Variants in ZNF480 observed in about 807,000 individuals in gnomAD.
The protein encoded by ZNF480 is zinc finger protein 480.
Under a neutral mutation model 14.4 loss-of-function variants are expected in ZNF480, and 15 were observed. That is an observed-to-expected ratio of 1.04 (90% confidence interval 0.70 to 1.60). The LOEUF (loss-of-function observed/expected upper bound fraction) is 1.60, where lower values mean the gene tolerates loss of function less well. ZNF480 is among the 40% of genes most tolerant of loss of function. ZNF480 has a pLI of 0.00. For missense variants in ZNF480, 593 were observed against 629.7 expected (o/e 0.94, Z 0.62); for synonymous variants, 218 against 215.5 (o/e 1.01, Z -0.10).
In ZNF480 at chr19:52,300,649, TAACC is replaced by T. The variant is rs1982646875; in HGVS notation, c.72+166_72+169del. ...GAGACCAGCTTGGTCGTGGGGACCC[TAACC>T]TAGTGGCACTAGAGGAATTAAAGAC... On this transcript the variant is annotated intron_variant, in intron 2 of 4. Transcript: ENST00000595962. 23 of 1,194,442 alleles carry T rather than the reference TAACC, an allele frequency of 1.9e-5. No homozygotes were observed. The East Asian group carries it at 5.4e-4, about 28-fold the overall frequency. The allele number at this position is 1,194,442 out of a possible 1,614,324, so 74.0% of individuals were successfully genotyped here. A position where few individuals can be genotyped will look rare whatever the true frequency, so the allele number is the denominator to read the frequency against.
At chr19:52,298,988 T>G (rs943761389) in intron 1 of ZNF480, among the ~76,000 whole-genome samples, 2 of 152,146 alleles carry the variant, frequency 1.3e-5, no homozygotes, top group African/African-American at 4.8e-5. Context: ...CTATTTATAA[T>G]TTGATAATAT....
At chr19:52,319,148 G>A (rs1195002769) in intron 4 of ZNF480, among the ~76,000 whole-genome samples, 1 of 152,054 alleles carries the variant, frequency 6.6e-6, no homozygotes, top group Non-Finnish European at 1.5e-5. Flanking sequence ...ACAGGTGTGA[G>A]CCACCACACC....
rs1269983892 is a variant in ZNF480 at position 52,322,186 on chromosome 19, G to C, written c.936G>C (p.Glu312Asp). The change falls in exon 5 of 5, where the codon GAG (glutamate) becomes GAC (aspartate). Residue 312 changes from glutamate to aspartate, a missense_variant. By Grantham distance (45) the Glu-to-Asp change is conservative. Coordinates refer to ENST00000595962, the MANE Select transcript of ZNF480 (RefSeq NM_144684.4). ...GACATCAAAGAATTCATGCTGAAGAGAAACCTTACAAATGTAATGAATGTG... is the reference window on the plus strand; with the variant it reads ...GACATCAAAGAATTCATGCTGAAGACAAACCTTACAAATGTAATGAATGTG... ...LARHQRIHAE[E>D]KPYKCNECGK... is the part of the protein sequence containing the mutation. The C allele has an allele frequency of 1.2e-6, 2 of 1,613,958 alleles. No homozygotes were observed. Among genetic ancestry groups the C allele is most frequent in the Admixed American group, 3.3e-5 (2 of 59,992 alleles).
At chr19:52,300,742 C>T (rs539929769) in intron 2 of ZNF480, 11 of 557,552 alleles carry the variant, frequency 2.0e-5, no homozygotes, top group Admixed American at 1.2e-4. Flanking sequence ...CTGAGAGCTG[C>T]GAACAGGGTT....
rs573320005 is a variant in ZNF480 at position 52,310,355 on chromosome 19, C to G, written c.73-3798C>G. Among the ~76,000 whole-genome samples the G allele has an allele frequency of 2.6e-5, 4 of 152,284 alleles. No homozygotes were observed. The South Asian group carries it at 8.3e-4, about 32-fold the overall frequency. On this transcript the variant is annotated intron_variant, in intron 2 of 4. Coordinates refer to ENST00000595962, the MANE Select transcript of ZNF480 (RefSeq NM_144684.4). ...TACAGGCATGATCCCAGCACTGCAC[C>G]AGGCTAATATATTCTTATTAGTTAA...
Position 52,310,961 on chromosome 19 carries a change from C to CT in ZNF480, c.73-3192_73-3191insT, listed in dbSNP as rs1983248713. Reference sequence around the variant, plus strand: ...CAGAGCTTACAGTGAGCCAAGATCACGCCACTGGACTCCAGCCTGGGTGAC... The same window carrying CT: ...CAGAGCTTACAGTGAGCCAAGATCACTGCCACTGGACTCCAGCCTGGGTGAC... On this transcript the variant is annotated intron_variant, in intron 2 of 4. Coordinates refer to ENST00000595962, the MANE Select transcript of ZNF480 (RefSeq NM_144684.4). Among the ~76,000 whole-genome samples, 3 of 141,876 alleles carry CT rather than the reference C, an allele frequency of 2.1e-5. No homozygotes were observed. In the South Asian group the frequency reaches 6.6e-4, roughly 31 times the overall value. 93.1% of individuals were successfully genotyped at this position (141,876 alleles called of 152,430 possible).
intron 1 of ZNF480, 147 bp downstream of exon 1, chr19:52,297,370 C>A (rs1982451049): frequency 7.8e-6 from 3 of 382,310 alleles, no homozygotes; most frequent in Non-Finnish European, 1.0e-5. Context: ...GAGAGTCAGG[C>A]GGTCGCTTCC....
At chr19:52,300,839 C>A in intron 2 of ZNF480, 1 of 275,804 alleles carries the variant, frequency 3.6e-6, no homozygotes, top group Non-Finnish European at 6.9e-6. Flanking sequence ...TTATGGGAAA[C>A]AAAACATTCT....
At chr19:52,306,178 A>G (rs1982919708) in intron 2 of ZNF480, among the ~76,000 whole-genome samples, 1 of 152,198 alleles carries the variant, frequency 6.6e-6, no homozygotes, top group African/African-American at 2.4e-5. Context: ...CTTGGCACTC[A>G]GGATTGGCAT....
intron 4 of ZNF480, among the ~76,000 whole-genome samples, chr19:52,319,740 C>T (rs777255128): frequency 2.6e-5 from 4 of 151,184 alleles, no homozygotes; most frequent in Non-Finnish European, 2.9e-5. Context: ...TGAGAGCATC[C>T]GAAAAATGTA....
intron 2 of ZNF480, among the ~76,000 whole-genome samples, chr19:52,308,384 A>T (rs1406253603): frequency 1.4e-5 from 2 of 145,548 alleles, no homozygotes; most frequent in Non-Finnish European, 3.0e-5. Flanking sequence ...TCGGCTCACT[A>T]CAACTTCTGT....
At chr19:52,309,824 A>G (rs1394392920) in intron 2 of ZNF480, among the ~76,000 whole-genome samples, 1 of 152,110 alleles carries the variant, frequency 6.6e-6, no homozygotes, top group East Asian at 1.9e-4. Context: ...CATGGATTCA[A>G]AATGGTCCGG....
At chr19:52,303,670 T>G (rs964873473) in intron 2 of ZNF480, among the ~76,000 whole-genome samples, 1 of 152,180 alleles carries the variant, frequency 6.6e-6, no homozygotes, top group African/African-American at 2.4e-5. Context: ...TATGTACTTG[T>G]TTTTCAATGA....
chr19:52,302,548 C>G (rs992606381), intron 2 of ZNF480, among the ~76,000 whole-genome samples: 2 of 152,118 alleles, frequency 1.3e-5, no homozygotes, highest in Non-Finnish European at 2.9e-5. Flanking sequence ...CCCATCACTG[C>G]GAAGCATTGC....
chr19:52,300,886 C>T (rs533558686), intron 2 of ZNF480: 14 of 220,844 alleles, frequency 6.3e-5, no homozygotes, highest in Admixed American at 2.0e-4. Flanking sequence ...GGCTAATTAT[C>T]TGCAGCAAAA....
At chr19:52,304,307 G>T (rs1375265559) in intron 2 of ZNF480, among the ~76,000 whole-genome samples, 1 of 152,170 alleles carries the variant, frequency 6.6e-6, no homozygotes, top group African/African-American at 2.4e-5. Flanking sequence ...GCAGGAAAAG[G>T]CAGTCCTGGC....
At chr19:52,301,235 T>C (rs901531046) in intron 2 of ZNF480, 3 of 152,396 alleles carry the variant, frequency 2.0e-5, no homozygotes, top group Non-Finnish European at 4.4e-5. Flanking sequence ...ACAATCATCA[T>C]TGAAATCAGG....
intron 2 of ZNF480, among the ~76,000 whole-genome samples, chr19:52,305,956 G>A (rs537905797): frequency 1.6e-4 from 25 of 152,262 alleles, no homozygotes; most frequent in African/African-American, 5.5e-4. Flanking sequence ...CTGGCAGCCT[G>A]ACTTGCTGGT....
intron 2 of ZNF480, among the ~76,000 whole-genome samples, chr19:52,304,958 G>C (rs966021383): frequency 2.6e-5 from 4 of 151,994 alleles, no homozygotes; most frequent in African/African-American, 9.7e-5. Context: ...AATTAGCCGG[G>C]CATGGTGGTG....
Sources: allele counts gnomAD v4.1 joint callset (sites outside exome capture counted in the v4.1 genomes callset), GRCh38; gene constraint gnomAD v4.1.1; transcripts MANE v1.5; gene names NCBI Gene and HGNC (gene_info 2026-07-23, HGNC 2026-07-21).